MMACHC: variants seen among roughly 807,000 people sequenced by gnomAD.
MMACHC encodes the protein cyanocobalamin reductase / alkylcobalamin dealkylase.
In MMACHC, 14 loss-of-function variants were observed where a neutral mutation model predicts 17.6. That is an observed-to-expected ratio of 0.80 (90% CI 0.53 to 1.25). The LOEUF (loss-of-function observed/expected upper bound fraction) is 1.25, where lower values mean the gene tolerates loss of function less well. Ranked by LOEUF, MMACHC falls within the 50% of genes most tolerant of loss-of-function variation. The pLI is 0.00. For missense variants in MMACHC, 392 were observed against 364.5 expected (o/e 1.08, Z -0.62); for synonymous variants, 151 against 142.1 (o/e 1.06, Z -0.45).
chr1:45,508,823 C>G lies in MMACHC; in HGVS notation c.457C>G (p.Arg153Gly), dbSNP rs757325789. ...CATATCAGGTGTGTGCATACACCCCCGATTTGGGGGCTGGTTTGCCATCCG... is the reference window on the plus strand; with the variant it reads ...CATATCAGGTGTGTGCATACACCCCGGATTTGGGGGCTGGTTTGCCATCCG... ...QRISGVCIHP[R>G]FGGWFAIRGV... is the part of the protein sequence containing the mutation. The change falls in exon 4 of 4, where the codon CGA (arginine) becomes GGA (glycine). Residue 153 changes from arginine (R) to glycine (G), a missense_variant. Transcript: ENST00000401061. 1 of 1,614,090 alleles carries G rather than the reference C, an allele frequency of 6.2e-7. No individual in the cohort carries two copies. Among genetic ancestry groups the G allele is most frequent in the Non-Finnish European group, 8.5e-7 (1 of 1,179,986 alleles).
Position 45,507,279 on chromosome 1 carries a change from G to A in MMACHC, c.82-77G>A, listed in dbSNP as rs550298111. On this transcript the variant is annotated intron_variant, in intron 1 of 3. Coordinates refer to ENST00000401061, the MANE Select transcript of MMACHC (RefSeq NM_015506.3). The stretch of plus-strand genomic sequence containing the variant: ...GATGGAGGCTGGGGCAAAAGTGTGA[G>A]GCCTGAAGGTTAAGGTGTGGGCCAG... The A allele has an allele frequency of 4.5e-5, 63 of 1,395,728 alleles. 1 individual carries two copies. The South Asian group carries it at 7.0e-4, about 15-fold the overall frequency. 86.5% of individuals were successfully genotyped at this position (1,395,728 alleles called of 1,614,324 possible). A position where few individuals can be genotyped will look rare whatever the true frequency, so the allele number is the denominator to read the frequency against.
chr1:45,506,475 ATT>A (rs555190963), intron 1 of MMACHC, among the ~76,000 whole-genome samples: 34 of 151,310 alleles, frequency 2.2e-4, no homozygotes, highest in African/African-American at 7.8e-4. Context: ...TGGGTTTTTA[ATT>A]TTCTTTTATT....
In MMACHC at chr1:45,511,359, C is replaced by T. The variant is rs1296740526; in HGVS notation, c.*2144C>T. On this transcript the variant is annotated 3_prime_UTR_variant, in exon 4 of 4. Coordinates refer to ENST00000401061, the MANE Select transcript of MMACHC (RefSeq NM_015506.3). ...TCTGCTTGGAGAAATATTCTTTGCT[C>T]TTTTGGACATCAGGCTTGATGGTAT... 1.9e-6 allele frequency: 3 copies of T among 1,613,172 alleles called. No homozygotes were observed. Among genetic ancestry groups the T allele is most frequent in the Non-Finnish European group, 2.5e-6 (3 of 1,179,666 alleles).
At chr1:45,501,205 C>T (rs987900356) in intron 1 of MMACHC, among the ~76,000 whole-genome samples, 4 of 152,172 alleles carry the variant, frequency 2.6e-5, no homozygotes, top group African/African-American at 9.7e-5. Context: ...CAGTGCTGGG[C>T]TGGGTAATGA....
intron 1 of MMACHC, among the ~76,000 whole-genome samples, chr1:45,502,869 T>G (rs1266868566): frequency 8.6e-5 from 13 of 152,010 alleles, no homozygotes; most frequent in Admixed American, 8.5e-4. Flanking sequence ...CATACCCGGC[T>G]AATTTTGTAT....
chr1:45,504,188 G>T (rs1221632215), intron 1 of MMACHC, among the ~76,000 whole-genome samples: 2 of 152,150 alleles, frequency 1.3e-5, no homozygotes, highest in African/African-American at 4.8e-5. Context: ...GCGGAGGCGG[G>T]TGGATCATCT....
chr1:45,509,197 T>A lies in MMACHC; in HGVS notation c.831T>A (p.Pro277=). ...GGCTCAGCCCCAGGGTCTCACCACCTGCATCCCCTGGCCCTTGATTTTCTC... is the reference window on the plus strand; with the variant it reads ...GGCTCAGCCCCAGGGTCTCACCACCAGCATCCCCTGGCCCTTGATTTTCTC... The part of the protein sequence containing the change: ...RSWLSPRVSP[P]ASPGP The change falls in exon 4 of 4, where the codon CCT becomes CCA. Residue 277 remains proline, a synonymous_variant. Coordinates refer to ENST00000401061, the MANE Select transcript of MMACHC (RefSeq NM_015506.3). 6.2e-7 allele frequency: 1 copy of A among 1,614,072 alleles called. No individual in the cohort carries two copies. The highest frequency in any genetic ancestry group is 1.1e-5 in the South Asian group (1 of 91,084).
Position 45,511,459 on chromosome 1 carries a change from T to G in MMACHC, c.*2244T>G, listed in dbSNP as rs771704607. ...CTAATTAATAACCTTCTCAATGGTA[T>G]GCACCACCATTCTCCTATGGACAAA... On this transcript the variant is annotated 3_prime_UTR_variant, in exon 4 of 4. Coordinates refer to ENST00000401061, the MANE Select transcript of MMACHC (RefSeq NM_015506.3). The G allele has an allele frequency of 6.7e-7, 1 of 1,496,830 alleles. No homozygotes were observed. Among genetic ancestry groups the G allele is most frequent in the South Asian group, 1.2e-5 (1 of 86,250 alleles). The allele number at this position is 1,496,830 out of a possible 1,614,324, so 92.7% of individuals were successfully genotyped here. A position where few individuals can be genotyped will look rare whatever the true frequency, so the allele number is the denominator to read the frequency against.
At position 45,509,415 on chromosome 1, in the gene MMACHC, A is replaced by AGTTTTTT; in HGVS notation, c.*201_*207dup. Reference sequence around the variant, plus strand: ...CAGAATTCCCATCTGCCTTCAAATGAGTTTTTTTTTTTTTTTTAGACAGAG... The same window carrying AGTTTTTT: ...CAGAATTCCCATCTGCCTTCAAATGAGTTTTTTGTTTTTTTTTTTTTTTTAGACAGAG... On this transcript the variant is annotated 3_prime_UTR_variant, in exon 4 of 4. Coordinates refer to ENST00000401061, the MANE Select transcript of MMACHC (RefSeq NM_015506.3). 4.1e-6 allele frequency: 1 copy of AGTTTTTT among 245,534 alleles called. No individual in the cohort carries two copies. The allele number at this position is 245,534 out of a possible 1,614,324, so 15.2% of individuals were successfully genotyped here.
intron 1 of MMACHC, among the ~76,000 whole-genome samples, chr1:45,505,115 AT>A (rs201018555): frequency 4.2e-4 from 26 of 61,352 alleles, no homozygotes; most frequent in South Asian, 1.4e-3. Flanking sequence ...GACTGTATAC[AT>A]TTAAAAAAAA....
chr1:45,503,678 C>G (rs1038153571), intron 1 of MMACHC, among the ~76,000 whole-genome samples: 6 of 152,030 alleles, frequency 3.9e-5, no homozygotes, highest in African/African-American at 1.4e-4. Flanking sequence ...AGTTGAGCAC[C>G]GACACAGACT....
intron 1 of MMACHC, among the ~76,000 whole-genome samples, chr1:45,503,920 T>C (rs938647526): frequency 2.0e-5 from 3 of 152,244 alleles, no homozygotes; most frequent in Admixed American, 6.5e-5. Context: ...GGTTATGTTA[T>C]GGGTCTTCGG....
At position 45,509,415 on chromosome 1, in the gene MMACHC, A is replaced by AGTTTT. The variant is rs1295174970; in HGVS notation, c.*201_*205dup. 4 of 245,578 alleles carry AGTTTT rather than the reference A, an allele frequency of 1.6e-5. No individual in the cohort carries two copies. In the African/African-American group the frequency reaches 2.2e-4, roughly 14 times the overall value. 15.2% of individuals were successfully genotyped at this position (245,578 alleles called of 1,614,324 possible). A position where few individuals can be genotyped will look rare whatever the true frequency, so the allele number is the denominator to read the frequency against. ...CAGAATTCCCATCTGCCTTCAAATGAGTTTTTTTTTTTTTTTTAGACAGAG... is the reference window on the plus strand; with the variant it reads ...CAGAATTCCCATCTGCCTTCAAATGAGTTTTGTTTTTTTTTTTTTTTTAGACAGAG... On this transcript the variant is annotated 3_prime_UTR_variant, in exon 4 of 4. Coordinates refer to ENST00000401061, the MANE Select transcript of MMACHC (RefSeq NM_015506.3).
Position 45,511,083 on chromosome 1 carries a change from A to T in MMACHC, c.*1868A>T. 2.8e-6 allele frequency: 1 copy of T among 353,028 alleles called. No individual in the cohort carries two copies. The highest frequency in any genetic ancestry group is 5.1e-6 in the Non-Finnish European group (1 of 196,990). 21.9% of individuals were successfully genotyped at this position (353,028 alleles called of 1,614,324 possible). A position where few individuals can be genotyped will look rare whatever the true frequency, so the allele number is the denominator to read the frequency against. ...TCAAGTTTAATACAAACTACAAAAG[A>T]TTAATGGGTTGCTCTACTAATACAT... On this transcript the variant is annotated 3_prime_UTR_variant, in exon 4 of 4. Coordinates refer to ENST00000401061, the MANE Select transcript of MMACHC (RefSeq NM_015506.3).
At chr1:45,504,002 A>ATCTTGGATG (rs1265753841) in intron 1 of MMACHC, among the ~76,000 whole-genome samples, 2 of 152,272 alleles carry the variant, frequency 1.3e-5, no homozygotes, top group Non-Finnish European at 2.9e-5. Flanking sequence ...TTACAGGTGA[A>ATCTTGGATG]TCCAATTTCT....
chr1:45,508,371 G>A lies in MMACHC; in HGVS notation c.429+7G>A, dbSNP rs1227206156. Reference sequence around the variant, plus strand: ...TGACCCATGGGGGAACCAGGTGAGAGGGAAAATGTAAATAGAGGCTGAGAT... The same window carrying A: ...TGACCCATGGGGGAACCAGGTGAGAAGGAAAATGTAAATAGAGGCTGAGAT... On this transcript the variant is annotated splice_region_variant and intron_variant, in intron 3 of 3. Coordinates refer to ENST00000401061, the MANE Select transcript of MMACHC (RefSeq NM_015506.3). The A allele has an allele frequency of 2.5e-6, 4 of 1,614,102 alleles. No homozygotes were observed. The highest frequency in any genetic ancestry group is 2.5e-6 in the Non-Finnish European group (3 of 1,180,004).
chr1:45,509,415 A>ATTT lies in MMACHC; in HGVS notation c.*200_*201insTTT. The ATTT allele has an allele frequency of 6.5e-5, 16 of 245,508 alleles. No individual in the cohort carries two copies. Among genetic ancestry groups the ATTT allele is most frequent in the African/African-American group, 2.2e-4 (3 of 13,520 alleles). 15.2% of individuals were successfully genotyped at this position (245,508 alleles called of 1,614,324 possible). On this transcript the variant is annotated 3_prime_UTR_variant, in exon 4 of 4. Transcript: ENST00000401061. ...CAGAATTCCCATCTGCCTTCAAATGAGTTTTTTTTTTTTTTTTAGACAGAG... is the reference window on the plus strand; with the variant it reads ...CAGAATTCCCATCTGCCTTCAAATGATTTGTTTTTTTTTTTTTTTTAGACAGAG...
rs751229877 is a variant in MMACHC, at chr1:45,508,217, C to T, written c.282C>T (p.Leu94=). ...TATTTTGTCCACTGTTCCAGAGCCT[C>T]CCAGAGCTGCAGATAGAAATCATTG... ...AYHLGRVRES[L]PELQIEIIAD... The change falls in exon 3 of 4, where the codon CTC becomes CTT. Residue 94 remains leucine, a synonymous_variant. Coordinates refer to ENST00000401061, the MANE Select transcript of MMACHC (RefSeq NM_015506.3). The T allele has an allele frequency of 1.1e-5, 17 of 1,614,048 alleles. No homozygotes were observed. The highest frequency in any genetic ancestry group is 1.4e-5 in the Non-Finnish European group (17 of 1,180,020).
chr1:45,506,284 T>A (rs12098140), intron 1 of MMACHC, among the ~76,000 whole-genome samples: 6 of 152,180 alleles, frequency 3.9e-5, no homozygotes, highest in African/African-American at 1.4e-4. Flanking sequence ...TGAACAACTG[T>A]CATGGCATCA....
Sources: allele counts gnomAD v4.1 joint callset (sites outside exome capture counted in the v4.1 genomes callset), GRCh38; gene constraint gnomAD v4.1.1; transcripts MANE v1.5; gene names NCBI Gene and HGNC (gene_info 2026-07-23, HGNC 2026-07-21).